The following SOBP variants were observed in gnomAD, a reference collection of about 807,000 sequenced individuals.
SOBP encodes sine oculis-binding protein homolog.
SOBP carries 4 observed loss-of-function variants against 53.6 expected under a neutral mutation model. The observed-to-expected ratio is 0.07, with a 90% CI of 0.04 to 0.17. The LOEUF is 0.17. Among genes scored for constraint, SOBP ranks in the 10% least tolerant of loss-of-function variants. SOBP has a pLI of 1.00. For synonymous variants in SOBP, 584 were observed against 522.6 expected (o/e 1.12, Z -1.60); for missense variants, 1,088 against 1,204.7 (o/e 0.90, Z 1.43).
At chr6:107,497,882 C>G (rs1782740345) in intron 1 of SOBP, among the ~76,000 whole-genome samples, 2 of 152,118 alleles carry the variant, frequency 1.3e-5, no homozygotes, top group African/African-American at 2.4e-5. Context: ...ATTGCTAAGT[C>G]AAAGGGTATG....
At chr6:107,510,880 G>C (rs963358419) in intron 3 of SOBP, 3 of 152,170 alleles carry the variant, frequency 2.0e-5, no homozygotes, top group Non-Finnish European at 4.4e-5. Context: ...TCTCAAGATA[G>C]GGAAGATGAG....
Position 107,597,756 on chromosome 6 carries a change from G to C in SOBP, c.669+10581G>C, listed in dbSNP as rs772171009. ...AATCAGCCAAGTTGAAAATTGAGCT[G>C]CATCAATGGAGACAGCCGGTCTTGA... On this transcript the variant is annotated intron_variant, in intron 5 of 6. Coordinates refer to ENST00000317357, the MANE Select transcript of SOBP (RefSeq NM_018013.4). Among the ~76,000 whole-genome samples, 6 of 152,162 alleles carry C rather than the reference G, an allele frequency of 3.9e-5. No homozygotes were observed. In the South Asian group the frequency reaches 6.2e-4, roughly 16 times the overall value.
At chr6:107,504,601 A>G (rs530822079) in intron 2 of SOBP, among the ~76,000 whole-genome samples, 2 of 152,364 alleles carry the variant, frequency 1.3e-5, no homozygotes, top group South Asian at 4.1e-4. Context: ...GGGTAAAACA[A>G]ATTATACATC....
At chr6:107,540,051 T>C (rs1784108114) in intron 4 of SOBP, among the ~76,000 whole-genome samples, 1 of 152,266 alleles carries the variant, frequency 6.6e-6, no homozygotes, top group South Asian at 2.1e-4. Flanking sequence ...TTATACTCTG[T>C]TGATTCAGTG....
At chr6:107,548,258 GT>G (rs60827093) in intron 4 of SOBP, among the ~76,000 whole-genome samples, 78 of 142,408 alleles carry the variant, frequency 5.5e-4, no homozygotes, top group East Asian at 1.4e-3. Context: ...TTTTCTTTTT[GT>G]TTTTTTTTTT....
rs950630300 is a variant in SOBP, at chr6:107,635,622, C to T, written c.*3+153C>T. On this transcript the variant is annotated intron_variant, in intron 6 of 6. Transcript: ENST00000317357. This position sits in a 1 kb window ranked among gnomAD's most constrained non-coding sequence, Gnocchi z 4.5. ...TGGTCACGCTATCAACATTCTGAGC[C>T]AGCAGCTCTGATGCTGAGTTGTTCA... is the stretch of plus-strand genomic sequence containing the variant. Among the ~76,000 whole-genome samples the T allele has an allele frequency of 6.6e-6, 1 of 152,158 alleles. No homozygotes were observed. Among genetic ancestry groups the T allele is most frequent in the South Asian group, 2.1e-4 (1 of 4,828 alleles).
chr6:107,533,387 G>T, intron 3 of SOBP, 72 bp from the exon 4 acceptor site: 1 of 1,558,020 alleles, frequency 6.4e-7, no homozygotes, highest in Non-Finnish European at 8.8e-7. Flanking sequence ...GCTCTGTCAG[G>T]TTCAGGGTGT....
rs549698969 is a variant in SOBP, at chr6:107,512,531, C to T, written c.421+6104C>T. Among the ~76,000 whole-genome samples the T allele has an allele frequency of 4.1e-4, 63 of 152,204 alleles. 1 individual carries two copies. The highest frequency in any genetic ancestry group is 4.6e-4 in the Admixed American group (7 of 15,284). On this transcript the variant is annotated intron_variant, in intron 3 of 6. Coordinates refer to ENST00000317357, the MANE Select transcript of SOBP (RefSeq NM_018013.4). The stretch of plus-strand genomic sequence containing the variant: ...TTGACAAAGGCCTTATAATGGTCTT[C>T]ACTGCTTTACAAGTGTAATAGCCCT...
chr6:107,643,694 C>T (rs573801933), intron 6 of SOBP, among the ~76,000 whole-genome samples: 47 of 152,128 alleles, frequency 3.1e-4, no homozygotes, highest in Non-Finnish European at 6.5e-4. Flanking sequence ...GCTGGGATTA[C>T]AGGTATGAGC....
intron 5 of SOBP, among the ~76,000 whole-genome samples, chr6:107,589,648 C>T (rs767659025): frequency 2.6e-5 from 4 of 152,204 alleles, no homozygotes; most frequent in Non-Finnish European, 5.9e-5. Context: ...ACACAGATGA[C>T]TAGATATTTA....
intron 5 of SOBP, among the ~76,000 whole-genome samples, chr6:107,607,142 G>GT (rs1321897469): frequency 6.6e-6 from 1 of 152,190 alleles, no homozygotes; most frequent in Non-Finnish European, 1.5e-5. Flanking sequence ...GGTTTTAAAT[G>GT]TTCCGCCTGT....
intron 1 of SOBP, among the ~76,000 whole-genome samples, chr6:107,493,753 T>C (rs1042527841): frequency 1.3e-5 from 2 of 152,200 alleles, no homozygotes; most frequent in Admixed American, 6.5e-5. Context: ...GATTTCCTAA[T>C]TGAGATAGTC....
intron 5 of SOBP, among the ~76,000 whole-genome samples, chr6:107,620,926 C>T (rs1454594789): frequency 6.6e-6 from 1 of 152,168 alleles, no homozygotes; most frequent in Non-Finnish European, 1.5e-5. Flanking sequence ...TCTTCTGCAT[C>T]TCATTTCCTC....
At chr6:107,587,691 A>G (rs1247834820) in intron 5 of SOBP, among the ~76,000 whole-genome samples, 1 of 152,224 alleles carries the variant, frequency 6.6e-6, no homozygotes, top group African/African-American at 2.4e-5. Flanking sequence ...AAGCAGTGAC[A>G]GGGTGCGGGG....
At chr6:107,582,906 CAAT>C (rs1171033937) in intron 4 of SOBP, among the ~76,000 whole-genome samples, 1 of 152,156 alleles carries the variant, frequency 6.6e-6, no homozygotes, top group Admixed American at 6.5e-5. Flanking sequence ...GATTTAAGAA[CAAT>C]AATAAAACCA....
chr6:107,498,581 C>T (rs1562572277), intron 1 of SOBP, among the ~76,000 whole-genome samples: 2 of 151,358 alleles, frequency 1.3e-5, no homozygotes, highest in African/African-American at 4.9e-5. Context: ...CACAGCTCCT[C>T]AGAAAGAAAA....
At chr6:107,511,908 G>A (rs922006006) in intron 3 of SOBP, among the ~76,000 whole-genome samples, 2 of 152,014 alleles carry the variant, frequency 1.3e-5, no homozygotes, top group Admixed American at 6.6e-5. Flanking sequence ...GGTAACAGAC[G>A]TGTTATAAAT....
intron 4 of SOBP, among the ~76,000 whole-genome samples, chr6:107,549,281 AAAC>A (rs1298720931): frequency 6.6e-6 from 1 of 152,024 alleles, no homozygotes; most frequent in South Asian, 2.1e-4. Context: ...ACAAACAAAC[AAAC>A]AACAACAACA....
intron 5 of SOBP, among the ~76,000 whole-genome samples, chr6:107,587,651 T>G (rs1785609476): frequency 6.6e-6 from 1 of 152,168 alleles, no homozygotes. Context: ...CTTGCCAAAC[T>G]TAATCGTCTC....
Sources: allele counts gnomAD v4.1 joint callset (sites outside exome capture counted in the v4.1 genomes callset), GRCh38; gene constraint gnomAD v4.1.1; non-coding constraint Gnocchi (gnomAD v3.1); transcripts MANE v1.5; gene names NCBI Gene and HGNC (gene_info 2026-07-23, HGNC 2026-07-21).